ANKRD44: variants seen among roughly 807,000 people sequenced by gnomAD.
ANKRD44 encodes serine/threonine-protein phosphatase 6 regulatory ankyrin repeat subunit B.
Under a neutral mutation model 116.0 loss-of-function variants are expected in ANKRD44, and 35 were observed. The ratio of observed to expected loss-of-function variants is 0.30; its 90% confidence interval spans 0.23 to 0.40. The LOEUF (loss-of-function observed/expected upper bound fraction) is 0.40. Among genes scored for constraint, ANKRD44 ranks in the 10% least tolerant of loss-of-function variants. The probability of loss-of-function intolerance (pLI) is 1.00; values close to 1 mark genes in which losing one functional copy is unlikely to be tolerated. For missense variants in ANKRD44, 1,014 were observed against 1,242.6 expected (o/e 0.82, Z 2.77); for synonymous variants, 435 against 461.8 (o/e 0.94, Z 0.74).
chr2:197,031,672 T>C (rs1010863995), intron 16 of ANKRD44, among the ~76,000 whole-genome samples: 25 of 152,204 alleles, frequency 1.6e-4, no homozygotes, highest in African/African-American at 5.8e-4. Flanking sequence ...GATTTTTTGG[T>C]AAATCAAATA....
chr2:197,160,774 C>CA (rs924138393), intron 2 of ANKRD44, among the ~76,000 whole-genome samples: 8 of 152,168 alleles, frequency 5.3e-5, no homozygotes, highest in Admixed American at 3.3e-4. Flanking sequence ...TAAAACTGGA[C>CA]AGATGGGAGC....
chr2:197,015,453 T>C, intron 17 of ANKRD44: 1 of 501,458 alleles, frequency 2.0e-6, no homozygotes, highest in Non-Finnish European at 3.6e-6. Flanking sequence ...AACACCACAA[T>C]ATTAATAGGC....
At chr2:197,093,231 GA>G (rs578126986) in intron 10 of ANKRD44, among the ~76,000 whole-genome samples, 1 of 151,956 alleles carries the variant, frequency 6.6e-6, no homozygotes, top group East Asian at 1.9e-4. Flanking sequence ...ACAAGCAAAT[GA>G]ATTTGAGGAA....
rs1329930948 is a variant in ANKRD44 at position 197,042,820 on chromosome 2, TGCAAGGCATTTTCAGTAAAG to T, written c.1651-17573_1651-17554del. On this transcript the variant is annotated intron_variant, in intron 16 of 27. Transcript: ENST00000282272. ...CAGCCAGTGAGGCATTTTCAGTAAA[TGCAAGGCATTTTCAGTAAAG>T]GCAAGAATGAGGCATTTTCGGTAAA... Among the ~76,000 whole-genome samples the T allele has an allele frequency of 3.3e-5, 5 of 152,132 alleles. No individual in the cohort carries two copies. The South Asian group carries it at 8.3e-4, about 25-fold the overall frequency.
At chr2:197,137,906 A>T (rs1364042784) in intron 3 of ANKRD44, among the ~76,000 whole-genome samples, 5 of 152,272 alleles carry the variant, frequency 3.3e-5, no homozygotes, top group Admixed American at 3.3e-4. Context: ...CCACAGTAAA[A>T]TCAGTTTGGG....
At position 196,988,149 on chromosome 2, in the gene ANKRD44, ACT is replaced by A. The variant is rs564007902; in HGVS notation, c.*1440_*1441del. The A allele has an allele frequency of 5.5e-4, 539 of 985,190 alleles. No individual in the cohort carries two copies. Among genetic ancestry groups the A allele is most frequent in the Middle Eastern group, 1.6e-3 (3 of 1,914 alleles). 61.0% of individuals were successfully genotyped at this position (985,190 alleles called of 1,614,324 possible). ...ACTGCTTTGCTGAAATGATTCTTGTACTCTCTGCTACACGACAGGAAAAATGT... is the reference window on the plus strand; with the variant it reads ...ACTGCTTTGCTGAAATGATTCTTGTACTCTGCTACACGACAGGAAAAATGT... On this transcript the variant is annotated 3_prime_UTR_variant, in exon 28 of 28. Transcript: ENST00000282272.
chr2:196,995,992 G>T (rs1257136780), intron 25 of ANKRD44, among the ~76,000 whole-genome samples: 1 of 152,144 alleles, frequency 6.6e-6, no homozygotes, highest in Non-Finnish European at 1.5e-5. Flanking sequence ...TTCAATCAGT[G>T]GAAGATATCT....
At chr2:197,303,606 T>C (rs968320160) in intron 1 of ANKRD44, among the ~76,000 whole-genome samples, 13 of 152,174 alleles carry the variant, frequency 8.5e-5, no homozygotes, top group Admixed American at 3.3e-4. Context: ...AAAATGGTCT[T>C]CTGGTATAAA....
rs578024854 is a variant in ANKRD44, at chr2:197,114,199, C to T, written c.907-3355G>A. 3.9e-5 allele frequency among the ~76,000 whole-genome samples: 6 copies of T among 152,282 alleles called. No individual in the cohort carries two copies. In the South Asian group the frequency reaches 6.2e-4, roughly 16 times the overall value. On this transcript the variant is annotated intron_variant, in intron 8 of 27. Transcript: ENST00000282272. ...CCTAGAATTGCACAAAAAGATAAAA[C>T]ATTCCTTGCGTTCTCAAAAGAGAGA...
intron 14 of ANKRD44, among the ~76,000 whole-genome samples, chr2:197,083,084 T>C (rs974581753): frequency 1.3e-5 from 2 of 152,248 alleles, no homozygotes; most frequent in African/African-American, 4.8e-5. Flanking sequence ...CTACGGTATA[T>C]GTCAAAATAA....
rs35734167 is a variant in ANKRD44, at chr2:196,967,912, A to ACTCTCTCTCTCTCTCTCT, written c.2369-484_2369-467dup. 3.8e-3 allele frequency among the ~76,000 whole-genome samples: 530 copies of ACTCTCTCTCTCTCTCTCT among 140,914 alleles called. 7 individuals are homozygous for ACTCTCTCTCTCTCTCTCT. Among genetic ancestry groups the ACTCTCTCTCTCTCTCTCT allele is most frequent in the Middle Eastern group, 0.018 (5 of 276 alleles). 92.4% of individuals were successfully genotyped at this position (140,914 alleles called of 152,430 possible). A position where few individuals can be genotyped will look rare whatever the true frequency, so the allele number is the denominator to read the frequency against. On this transcript the variant is annotated intron_variant, in intron 21 of 21. Coordinates refer to the ANKRD44 transcript ENST00000424317. The stretch of plus-strand genomic sequence containing the variant: ...TGGGGTGGATCCCTCATGGCTTGGC[A>ACTCTCTCTCTCTCTCTCT]CTCTCTCTCTCTCTCTCTCTCTCTC...
At chr2:197,103,227 C>CAA (rs59073157) in intron 9 of ANKRD44, among the ~76,000 whole-genome samples, 3,924 of 102,964 alleles carry the variant, frequency 0.038, 76 homozygotes, top group Middle Eastern at 0.057. Flanking sequence ...GACTCCATCT[C>CAA]AAAAAAAAAA....
At chr2:197,282,882 C>T (rs139363130) in intron 1 of ANKRD44, among the ~76,000 whole-genome samples, 16 of 152,186 alleles carry the variant, frequency 1.1e-4, no homozygotes, top group Admixed American at 1.3e-4. Context: ...CATTTGAATC[C>T]GGGAGGTGTC....
In ANKRD44 at chr2:197,013,546, TC is replaced by T; in HGVS notation, c.1888del (p.Asp630ThrfsTer3). The T allele has an allele frequency of 6.2e-7, 1 of 1,614,238 alleles. No individual in the cohort carries two copies. The highest frequency in any genetic ancestry group is 8.5e-7 in the Non-Finnish European group (1 of 1,180,034). On this transcript the variant is annotated frameshift_variant, in exon 18 of 28. Transcript: ENST00000282272. LOFTEE classifies it high-confidence loss of function. ...AAGTGGGGTTCTTTTGGTTACATTG[TC>T]TTTCACAAAGATGGATGCGCCCTGA... Reference protein sequence around the residue: ...INQGASIFVKDNVTKRTPLHA... With the variant: ...INQGASIFVKXNVTKRTPLHA...
Position 196,989,137 on chromosome 2 carries a change from C to CT in ANKRD44, c.*453dup, listed in dbSNP as rs374625804. 196 of 977,738 alleles carry CT rather than the reference C, an allele frequency of 2.0e-4. No individual in the cohort carries two copies. Among genetic ancestry groups the CT allele is most frequent in the East Asian group, 1.8e-3 (16 of 8,738 alleles). 60.6% of individuals were successfully genotyped at this position (977,738 alleles called of 1,614,324 possible). A position where few individuals can be genotyped will look rare whatever the true frequency, so the allele number is the denominator to read the frequency against. ...CCAGGGTCAAGTGTTTTTTTTTTCA[C>CT]TTTTTTTTTGTTATTCTAAATAAGA... is the stretch of plus-strand genomic sequence containing the variant. On this transcript the variant is annotated 3_prime_UTR_variant, in exon 28 of 28. Transcript: ENST00000282272.
intron 2 of ANKRD44, among the ~76,000 whole-genome samples, chr2:197,148,132 T>C (rs1302349543): frequency 6.6e-6 from 1 of 152,152 alleles, no homozygotes; most frequent in African/African-American, 2.4e-5. Context: ...CTAAAGATCA[T>C]ATAAGTAAAT....
At chr2:197,113,847 C>T (rs1354096117) in intron 8 of ANKRD44, among the ~76,000 whole-genome samples, 1 of 152,160 alleles carries the variant, frequency 6.6e-6, no homozygotes, top group African/African-American at 2.4e-5. Flanking sequence ...CTGGGTTCAT[C>T]TATAGCCTGA....
At chr2:197,244,389 A>G (rs73067345) in intron 1 of ANKRD44, among the ~76,000 whole-genome samples, 59 of 152,330 alleles carry the variant, frequency 3.9e-4, no homozygotes, top group African/African-American at 1.0e-3. Context: ...ATGTGTCATC[A>G]GCCTCCAGAC....
At chr2:196,972,435 C>T (rs993739456) in intron 21 of ANKRD44, among the ~76,000 whole-genome samples, 6 of 152,162 alleles carry the variant, frequency 3.9e-5, no homozygotes, top group African/African-American at 1.2e-4. Flanking sequence ...CTCCTGGCCT[C>T]ATGTGACCCA....
Sources: allele counts gnomAD v4.1 joint callset (sites outside exome capture counted in the v4.1 genomes callset), GRCh38; gene constraint gnomAD v4.1.1; transcripts MANE v1.5; gene names NCBI Gene and HGNC (gene_info 2026-07-23, HGNC 2026-07-21).